GRID2: variants seen among roughly 807,000 people sequenced by gnomAD.
GRID2 encodes the protein glutamate ionotropic receptor delta type subunit 2, also known as glutamate receptor ionotropic, delta-2.
GRID2 carries 33 observed loss-of-function variants against 114.8 expected under a neutral mutation model. The ratio of observed to expected loss-of-function variants is 0.29; its 90% CI spans 0.22 to 0.38. The LOEUF (loss-of-function observed/expected upper bound fraction) is 0.38, where lower values mean the gene tolerates loss of function less well. Among genes scored for constraint, GRID2 ranks in the 10% least tolerant of loss-of-function variants. GRID2 has a pLI of 1.00. For missense variants in GRID2, 1,184 were observed against 1,257.7 expected (o/e 0.94, Z 0.89); for synonymous variants, 505 against 449.9 (o/e 1.12, Z -1.55).
intron 1 of GRID2, among the ~76,000 whole-genome samples, chr4:92,492,971 A>G (rs1723213988): frequency 6.6e-6 from 1 of 151,908 alleles, no homozygotes; most frequent in Admixed American, 6.6e-5. Context: ...TCTACTAAAA[A>G]TACAAAAATT....
chr4:92,645,733 T>C (rs955816965), intron 2 of GRID2, among the ~76,000 whole-genome samples: 3 of 151,848 alleles, frequency 2.0e-5, no homozygotes, highest in South Asian at 2.1e-4. Context: ...ATGTATTCTT[T>C]TGCATCTGAC....
intron 1 of GRID2, among the ~76,000 whole-genome samples, chr4:92,545,407 C>A (rs901741224): frequency 6.6e-6 from 1 of 152,078 alleles, no homozygotes; most frequent in African/African-American, 2.4e-5. Flanking sequence ...AAGGTCATGT[C>A]TAAGAGTAGA....
At chr4:93,216,176 A>G (rs1342929400) in intron 5 of GRID2, among the ~76,000 whole-genome samples, 3 of 125,848 alleles carry the variant, frequency 2.4e-5, no homozygotes, top group Non-Finnish European at 3.3e-5. Context: ...AACATCAACA[A>G]TTCTAATAAA....
At chr4:92,645,856 T>A (rs2149257268) in intron 2 of GRID2, among the ~76,000 whole-genome samples, 1 of 151,960 alleles carries the variant, frequency 6.6e-6, no homozygotes, top group African/African-American at 2.4e-5. Flanking sequence ...TTTTCCTGTC[T>A]CCTGTTGATG....
intron 2 of GRID2, among the ~76,000 whole-genome samples, chr4:92,795,108 G>C (rs1415385452): frequency 6.6e-6 from 1 of 151,420 alleles, no homozygotes; most frequent in Non-Finnish European, 1.5e-5. Context: ...ACTTTGTCTG[G>C]CTGTTTTAGG....
At chr4:92,649,172 GGAA>G (rs1485734906) in intron 2 of GRID2, among the ~76,000 whole-genome samples, 2 of 99,170 alleles carry the variant, frequency 2.0e-5, no homozygotes, top group East Asian at 5.8e-4. Context: ...TTATATATGA[GGAA>G]GAGGTAACGG....
chr4:92,304,885 C>A, intron 1 of GRID2, 141 bp downstream of exon 1: 1 of 686,098 alleles, frequency 1.5e-6, no homozygotes, highest in South Asian at 1.6e-5. Context: ...CTACCCTTCC[C>A]TCACACTTGC....
chr4:92,770,627 G>A (rs1381626514), intron 2 of GRID2, among the ~76,000 whole-genome samples: 1 of 152,108 alleles, frequency 6.6e-6, no homozygotes, highest in Non-Finnish European at 1.5e-5. Context: ...GCAAGGAGGG[G>A]CAATTCATGT....
At chr4:93,741,874 A>G (rs1731448990) in intron 14 of GRID2, among the ~76,000 whole-genome samples, 1 of 150,938 alleles carries the variant, frequency 6.6e-6, no homozygotes, top group Admixed American at 6.6e-5. Flanking sequence ...CAGTGAGCCA[A>G]GATAGTGCCA....
chr4:93,754,130 A>G (rs543850871), intron 14 of GRID2, among the ~76,000 whole-genome samples: 1 of 152,324 alleles, frequency 6.6e-6, no homozygotes, highest in South Asian at 2.1e-4. Flanking sequence ...AACATATTTA[A>G]ACATAAAAAG....
chr4:93,040,204 C>T (rs541105001), intron 2 of GRID2, among the ~76,000 whole-genome samples: 84 of 151,404 alleles, frequency 5.5e-4, no homozygotes, highest in African/African-American at 2.0e-3. Flanking sequence ...TAACAAGTTT[C>T]TCATTAGTTA....
chr4:93,555,107 A>C (rs559759712), intron 13 of GRID2, among the ~76,000 whole-genome samples: 1 of 152,240 alleles, frequency 6.6e-6, no homozygotes, highest in Middle Eastern at 3.4e-3. Flanking sequence ...CGGTCTTCGC[A>C]ACCTGCAGAC....
At chr4:93,712,671 G>A (rs912016929) in intron 14 of GRID2, among the ~76,000 whole-genome samples, 2 of 152,058 alleles carry the variant, frequency 1.3e-5, no homozygotes, top group African/African-American at 4.8e-5. Flanking sequence ...AAATGCCTGT[G>A]AAAGTATTCA....
chr4:93,216,227 C>T lies in GRID2; in HGVS notation c.790-511C>T, dbSNP rs10428429. Among the ~76,000 whole-genome samples the T allele has an allele frequency of 5.2e-3, 793 of 151,862 alleles. 5 individuals are homozygous for T. Among genetic ancestry groups the T allele is most frequent in the African/African-American group, 0.018 (728 of 41,464 alleles). The stretch of plus-strand genomic sequence containing the variant: ...ATATATCCTCTTGCTCTACTTGCCT[C>T]AGTTAAAAGCCAAATTTTTCATTGC... On this transcript the variant is annotated intron_variant, in intron 5 of 15. Coordinates refer to ENST00000282020, the MANE Select transcript of GRID2 (RefSeq NM_001510.4).
At chr4:93,780,986 C>G (rs933552236) in intron 1 of GRID2, among the ~76,000 whole-genome samples, 2 of 152,096 alleles carry the variant, frequency 1.3e-5, no homozygotes, top group African/African-American at 4.8e-5. Flanking sequence ...AAGGAAGAAT[C>G]AAGAGAACTT....
intron 9 of GRID2, among the ~76,000 whole-genome samples, chr4:93,414,964 T>C (rs1767561396): frequency 6.6e-6 from 1 of 152,138 alleles, no homozygotes; most frequent in Admixed American, 6.6e-5. Context: ...TGTGGCTTTC[T>C]GCTACATTCC....
At chr4:92,638,191 TTAAAA>T (rs993853129) in intron 2 of GRID2, among the ~76,000 whole-genome samples, 4 of 151,718 alleles carry the variant, frequency 2.6e-5, no homozygotes, top group African/African-American at 7.2e-5. Context: ...TTAAAATCTC[TTAAAA>T]TAAATACATG....
rs557514468 is a variant in GRID2, at chr4:92,470,806, C to T, written c.89-119325C>T. On this transcript the variant is annotated intron_variant, in intron 1 of 15. Coordinates refer to ENST00000282020, the MANE Select transcript of GRID2 (RefSeq NM_001510.4). ...TCAGTTATGACTCATAATACATAGT[C>T]ATTATCTCTTTAACACAGTAAGCCA... Among the ~76,000 whole-genome samples, 3 of 152,066 alleles carry T rather than the reference C, an allele frequency of 2.0e-5. No homozygotes were observed. The South Asian group carries it at 6.2e-4, about 32-fold the overall frequency.
At chr4:92,440,872 A>C (rs932501405) in intron 1 of GRID2, among the ~76,000 whole-genome samples, 1 of 152,118 alleles carries the variant, frequency 6.6e-6, no homozygotes, top group African/African-American at 2.4e-5. Flanking sequence ...GAACAACGGT[A>C]ATTGTGGGAG....
Sources: allele counts gnomAD v4.1 joint callset (sites outside exome capture counted in the v4.1 genomes callset), GRCh38; gene constraint gnomAD v4.1.1; transcripts MANE v1.5; gene names NCBI Gene and HGNC (gene_info 2026-07-23, HGNC 2026-07-21).